The following RCOR1 variants were observed in gnomAD, a reference collection of about 807,000 sequenced individuals.
The protein encoded by RCOR1 is REST corepressor.
RCOR1 carries 12 observed loss-of-function variants against 64.0 expected under a neutral mutation model. The ratio of observed to expected loss-of-function variants is 0.19; its 90% confidence interval spans 0.12 to 0.30. The LOEUF (loss-of-function observed/expected upper bound fraction) is 0.30. RCOR1 is among the 10% of genes least tolerant of loss of function. RCOR1 has a pLI of 1.00. For synonymous variants in RCOR1, 279 were observed against 227.2 expected, an observed-to-expected ratio of 1.23 and a Z score of -2.05; for missense variants, 502 against 621.2, an observed-to-expected ratio of 0.81 and a Z score of 2.04.
chr14:102,602,394 C>CTTTTTTTTTT (rs66743592), intron 2 of RCOR1, among the ~76,000 whole-genome samples: 68 of 104,204 alleles, frequency 6.5e-4, no homozygotes, highest in African/African-American at 1.0e-3. Context: ...CTTTTCTTTT[C>CTTTTTTTTTT]TTTTTTTTTT....
chr14:102,714,039 T>C (rs879282749), intron 7 of RCOR1, among the ~76,000 whole-genome samples: 1 of 152,242 alleles, frequency 6.6e-6, no homozygotes, highest in African/African-American at 2.4e-5. Flanking sequence ...TATCCAAAAA[T>C]GTGTATAAAA....
chr14:102,654,984 C>T (rs1451018683), intron 2 of RCOR1, among the ~76,000 whole-genome samples: 2 of 151,066 alleles, frequency 1.3e-5, no homozygotes, highest in Admixed American at 6.6e-5. Context: ...ACTTTAAAAA[C>T]ATTTTTTGTA....
At chr14:102,606,206 A>G (rs1415714422) in intron 2 of RCOR1, among the ~76,000 whole-genome samples, 4 of 152,054 alleles carry the variant, frequency 2.6e-5, no homozygotes, top group African/African-American at 7.2e-5. Context: ...GATTACAGGC[A>G]TGAGCCACCG....
rs189641445 is a variant in RCOR1 at position 102,601,875 on chromosome 14, G to A, written c.361+8550G>A. Among the ~76,000 whole-genome samples the A allele has an allele frequency of 5.4e-4, 82 of 152,266 alleles. 1 individual carries two copies. In the Middle Eastern group the frequency reaches 0.02, roughly 38 times the overall value. On this transcript the variant is annotated intron_variant, in intron 2 of 11. Transcript: ENST00000262241. ...CTCAAGGCTGTCAGAATTCCCATAC[G>A]TGTTTTTGTACTTAAATACATGTGT...
chr14:102,643,299 G>A (rs752187656), intron 2 of RCOR1: 121 of 972,952 alleles, frequency 1.2e-4, no homozygotes, highest in Non-Finnish European at 1.4e-4. Context: ...AAAGAGGAAT[G>A]GAAGAGATTA....
At chr14:102,614,302 G>A (rs983091393) in intron 2 of RCOR1, among the ~76,000 whole-genome samples, 3 of 144,314 alleles carry the variant, frequency 2.1e-5, no homozygotes, top group Admixed American at 1.5e-4. Flanking sequence ...TCGGCTCACT[G>A]CAAGCTCCGC....
chr14:102,711,396 G>A (rs761664030), intron 7 of RCOR1, among the ~76,000 whole-genome samples: 1 of 152,204 alleles, frequency 6.6e-6, no homozygotes, highest in East Asian at 1.9e-4. Context: ...CACCCATGCC[G>A]TGCCTGGGGT....
In RCOR1 at chr14:102,729,889, C is replaced by T. The variant is rs533130470; in HGVS notation, c.*3383C>T. On this transcript the variant is annotated 3_prime_UTR_variant, in exon 12 of 12. Transcript: ENST00000262241. Reference sequence around the variant, plus strand: ...TCTCTTGTCTAGCCTGTTTCTAAACCGAATGATCCAGGATTCAAGCTTCTA... The same window carrying T: ...TCTCTTGTCTAGCCTGTTTCTAAACTGAATGATCCAGGATTCAAGCTTCTA... 5.6e-4 allele frequency: 223 copies of T among 399,022 alleles called. 5 individuals carry two copies. In the South Asian group the frequency reaches 0.021, roughly 37 times the overall value. The allele number at this position is 399,022 out of a possible 1,614,324, so 24.7% of individuals were successfully genotyped here.
At chr14:102,594,308 G>A (rs1893199962) in intron 2 of RCOR1, among the ~76,000 whole-genome samples, 1 of 152,122 alleles carries the variant, frequency 6.6e-6, no homozygotes, top group Non-Finnish European at 1.5e-5. Flanking sequence ...TGGTTGGAGG[G>A]CTTTAGAGCT....
intron 2 of RCOR1, among the ~76,000 whole-genome samples, chr14:102,637,498 T>A (rs1212483647): frequency 6.6e-6 from 1 of 152,140 alleles, no homozygotes; most frequent in Non-Finnish European, 1.5e-5. Flanking sequence ...TTGCTGAGGC[T>A]GGAGTTCAGT....
intron 8 of RCOR1, among the ~76,000 whole-genome samples, chr14:102,716,465 A>G (rs1156754336): frequency 6.6e-6 from 1 of 152,146 alleles, no homozygotes; most frequent in Non-Finnish European, 1.5e-5. Context: ...ATATTCTCTC[A>G]TGTTAGTCTT....
intron 8 of RCOR1, among the ~76,000 whole-genome samples, chr14:102,717,301 C>T (rs904508230): frequency 6.6e-6 from 1 of 152,170 alleles, no homozygotes; most frequent in Non-Finnish European, 1.5e-5. Context: ...TGATGGTTCC[C>T]TTGGAAGGTC....
At chr14:102,681,163 A>G (rs535193989) in intron 2 of RCOR1, among the ~76,000 whole-genome samples, 2 of 152,222 alleles carry the variant, frequency 1.3e-5, no homozygotes, top group African/African-American at 4.8e-5. Context: ...TTCCCCCTAG[A>G]GTTTAGGTTC....
At chr14:102,609,925 G>A (rs1034347419) in intron 2 of RCOR1, among the ~76,000 whole-genome samples, 8 of 152,000 alleles carry the variant, frequency 5.3e-5, no homozygotes, top group African/African-American at 1.9e-4. Flanking sequence ...AGATCACGAG[G>A]TCAAGAGATT....
At chr14:102,708,366 C>T (rs557038958) in intron 5 of RCOR1, 99 bp from the exon 6 acceptor site, 33 of 705,006 alleles carry the variant, frequency 4.7e-5, no homozygotes, top group Non-Finnish European at 8.4e-5. Context: ...ACCCAAAGTG[C>T]TGGGATTACA....
At chr14:102,700,537 T>C (rs1231604688) in intron 3 of RCOR1, among the ~76,000 whole-genome samples, 2 of 152,194 alleles carry the variant, frequency 1.3e-5, no homozygotes, top group African/African-American at 4.8e-5. Context: ...CTAATTATTT[T>C]TAAAAATTAT....
intron 2 of RCOR1, among the ~76,000 whole-genome samples, chr14:102,609,727 G>C (rs1042143768): frequency 7.2e-5 from 11 of 151,946 alleles, no homozygotes; most frequent in African/African-American, 2.4e-4. Flanking sequence ...GATTACAGGC[G>C]TGAAAATGCT....
chr14:102,608,807 C>G (rs1175509318), intron 2 of RCOR1, among the ~76,000 whole-genome samples: 1 of 151,968 alleles, frequency 6.6e-6, no homozygotes, highest in African/African-American at 2.4e-5. Context: ...TCAAGCACTC[C>G]TCCTGCCTCA....
At chr14:102,625,844 A>G (rs1199892273) in intron 2 of RCOR1, among the ~76,000 whole-genome samples, 2 of 152,210 alleles carry the variant, frequency 1.3e-5, no homozygotes, top group Non-Finnish European at 2.9e-5. Context: ...AGTATGCCTA[A>G]TGATATTCTT....
Sources: allele counts gnomAD v4.1 joint callset (sites outside exome capture counted in the v4.1 genomes callset), GRCh38; gene constraint gnomAD v4.1.1; transcripts MANE v1.5; gene names NCBI Gene and HGNC (gene_info 2026-07-23, HGNC 2026-07-21).